The following BBX variants were observed in gnomAD, a reference collection of about 807,000 sequenced individuals.
BBX encodes the protein HMG box transcription factor BBX.
A neutral mutation model predicts 100.2 loss-of-function variants in BBX; 30 were observed. The observed-to-expected ratio is 0.30, with a 90% CI of 0.22 to 0.41. BBX has a LOEUF of 0.41. Among genes scored for constraint, BBX ranks in the 10% least tolerant of loss-of-function variants. The pLI is 1.00. For missense variants in BBX, 1,023 were observed against 1,129.8 expected (o/e 0.91, Z 1.35); for synonymous variants, 376 against 388.1 (o/e 0.97, Z 0.37).
In BBX at chr3:107,689,030, C is replaced by T. The variant is rs149081519; in HGVS notation, c.-9-21422C>T. On this transcript the variant is annotated intron_variant, in intron 3 of 17. Transcript: ENST00000325805. ...GTGATTTTTGGTACACAGCAGACAA[C>T]GACAGGTTTTCCTTATTTTTTTCCC... Among the ~76,000 whole-genome samples, 563 of 152,254 alleles carry T rather than the reference C, an allele frequency of 3.7e-3. 2 individuals are homozygous for T. The highest frequency in any genetic ancestry group is 0.012 in the African/African-American group (514 of 41,544).
At chr3:107,670,822 A>G (rs2107918088) in intron 3 of BBX, among the ~76,000 whole-genome samples, 1 of 152,206 alleles carries the variant, frequency 6.6e-6, no homozygotes, top group South Asian at 2.1e-4. Context: ...CTGACACCCA[A>G]TTAATTGCCC....
chr3:107,574,978 A>G (rs982919632), intron 2 of BBX, among the ~76,000 whole-genome samples: 1 of 152,192 alleles, frequency 6.6e-6, no homozygotes, highest in Non-Finnish European at 1.5e-5. Flanking sequence ...AAAATAAAGG[A>G]AGATAAAATG....
At chr3:107,651,121 G>T (rs550688501) in intron 3 of BBX, among the ~76,000 whole-genome samples, 7 of 152,140 alleles carry the variant, frequency 4.6e-5, no homozygotes, top group African/African-American at 1.4e-4. Context: ...TGGGGACTGG[G>T]GCTTCAACAT....
chr3:107,625,339 A>G (rs879363160), intron 2 of BBX, among the ~76,000 whole-genome samples: 23 of 152,092 alleles, frequency 1.5e-4, no homozygotes, highest in Admixed American at 2.6e-4. Flanking sequence ...GTGCAGTGGC[A>G]CAATCTCAGC....
At chr3:107,679,057 T>G (rs1436022981) in intron 3 of BBX, among the ~76,000 whole-genome samples, 2 of 151,582 alleles carry the variant, frequency 1.3e-5, no homozygotes, top group Non-Finnish European at 2.9e-5. Context: ...TTGTGTCAAA[T>G]CGCATGAGAT....
At chr3:107,575,386 T>C (rs543455667) in intron 2 of BBX, among the ~76,000 whole-genome samples, 5 of 152,328 alleles carry the variant, frequency 3.3e-5, no homozygotes, top group African/African-American at 7.2e-5. Flanking sequence ...GACAGTTTGA[T>C]TATTCAATGT....
intron 10 of BBX, among the ~76,000 whole-genome samples, chr3:107,758,441 A>C (rs987325242): frequency 2.0e-5 from 3 of 152,202 alleles, no homozygotes; most frequent in African/African-American, 7.2e-5. Context: ...GCAAGAGACT[A>C]TTGGACAGTA....
At chr3:107,681,762 T>C (rs2059585492) in intron 3 of BBX, among the ~76,000 whole-genome samples, 1 of 152,110 alleles carries the variant, frequency 6.6e-6, no homozygotes. Flanking sequence ...TCTGGAGATT[T>C]CCACACTTAC....
At chr3:107,719,954 G>A (rs1560036441) in intron 5 of BBX, among the ~76,000 whole-genome samples, 1 of 151,980 alleles carries the variant, frequency 6.6e-6, no homozygotes, top group Non-Finnish European at 1.5e-5. Context: ...CTAGAACAGA[G>A]TACAAAGAGG....
intron 17 of BBX, among the ~76,000 whole-genome samples, chr3:107,804,088 A>G (rs2070825877): frequency 6.6e-6 from 1 of 152,078 alleles, no homozygotes; most frequent in South Asian, 2.1e-4. Context: ...TATCTATAAC[A>G]TCCACATGTG....
chr3:107,617,019 T>A (rs72941343), intron 2 of BBX, among the ~76,000 whole-genome samples: 10,199 of 152,240 alleles, frequency 0.067, 1,137 homozygotes, highest in African/African-American at 0.23. Flanking sequence ...AATTTTATAG[T>A]TTTGCATTTT....
chr3:107,641,010 C>A (rs1252141029), intron 2 of BBX, among the ~76,000 whole-genome samples: 1 of 151,930 alleles, frequency 6.6e-6, no homozygotes, highest in Admixed American at 6.6e-5. Flanking sequence ...AGTAATTTCC[C>A]AAACAGTAAA....
intron 2 of BBX, among the ~76,000 whole-genome samples, chr3:107,537,050 C>T (rs765591002): frequency 2.0e-5 from 3 of 152,064 alleles, no homozygotes; most frequent in Admixed American, 1.3e-4. Context: ...AGCATTATAG[C>T]GAATTTTTAA....
intron 8 of BBX, among the ~76,000 whole-genome samples, chr3:107,746,598 T>G (rs1399863264): frequency 1.3e-5 from 2 of 152,134 alleles, no homozygotes; most frequent in Non-Finnish European, 2.9e-5. Flanking sequence ...TACAATTAAT[T>G]ACTCAGTCAG....
intron 13 of BBX, among the ~76,000 whole-genome samples, chr3:107,787,914 G>A (rs770722610): frequency 6.6e-6 from 1 of 152,176 alleles, no homozygotes; most frequent in Non-Finnish European, 1.5e-5. Context: ...CATGTGCAGA[G>A]GACTGCCAGG....
intron 3 of BBX, among the ~76,000 whole-genome samples, chr3:107,692,119 A>G (rs955720162): frequency 3.3e-5 from 5 of 151,802 alleles, no homozygotes; most frequent in African/African-American, 1.2e-4. Flanking sequence ...TTGTTTTTTA[A>G]AATTATAATT....
chr3:107,540,467 A>T (rs2048788885), intron 2 of BBX, among the ~76,000 whole-genome samples: 1 of 152,194 alleles, frequency 6.6e-6, no homozygotes, highest in Admixed American at 6.5e-5. Context: ...TACTGGGTGT[A>T]GGAGGCCCTG....
intron 2 of BBX, among the ~76,000 whole-genome samples, chr3:107,593,583 T>G (rs2053481124): frequency 6.6e-6 from 1 of 152,162 alleles, no homozygotes; most frequent in Non-Finnish European, 1.5e-5. Flanking sequence ...GAACAAGACA[T>G]GGGTCTTCTA....
intron 2 of BBX, among the ~76,000 whole-genome samples, chr3:107,542,663 A>G (rs1445772258): frequency 1.3e-5 from 2 of 152,196 alleles, no homozygotes; most frequent in African/African-American, 4.8e-5. Flanking sequence ...AGTAGGAACT[A>G]TTATCTCCAC....
Sources: gnomAD v4.1 joint callset for allele counts (sites outside exome capture counted in the v4.1 genomes callset) on GRCh38, gnomAD v4.1.1 for gene constraint, MANE v1.5 for transcripts, NCBI Gene and HGNC (gene_info 2026-07-23, HGNC 2026-07-21) for gene names.